CD2AP: variants seen among roughly 807,000 people sequenced by gnomAD.
CD2AP encodes CD2 associated protein.
CD2AP carries 46 observed loss-of-function variants against 85.1 expected under a neutral mutation model. The observed-to-expected ratio is 0.54, with a 90% CI of 0.43 to 0.69. The LOEUF is 0.69. Ranked by LOEUF, CD2AP falls within the 30% of genes least tolerant of loss-of-function variation. The pLI is 0.00. For synonymous variants in CD2AP, 255 were observed against 252.9 expected, an observed-to-expected ratio of 1.01 and a Z score of -0.08; for missense variants, 769 against 729.5, an observed-to-expected ratio of 1.05 and a Z score of -0.62.
chr6:47,559,508 C>G (rs866730441), intron 5 of CD2AP, among the ~76,000 whole-genome samples: 1 of 151,874 alleles, frequency 6.6e-6, no homozygotes, highest in African/African-American at 2.4e-5. Context: ...GCAGTTGAAG[C>G]CTCCCAAAGT....
intron 5 of CD2AP, among the ~76,000 whole-genome samples, chr6:47,572,700 A>G (rs1224451079): frequency 1.3e-5 from 2 of 152,188 alleles, no homozygotes; most frequent in Non-Finnish European, 2.9e-5. Context: ...TGACTTTGTT[A>G]CTGACTACCT....
intron 1 of CD2AP, among the ~76,000 whole-genome samples, chr6:47,483,040 A>G (rs1765484321): frequency 6.6e-6 from 1 of 152,218 alleles, no homozygotes; most frequent in Non-Finnish European, 1.5e-5. Context: ...TTCAGATTTT[A>G]TGTTCAGAAA....
Position 47,561,599 on chromosome 6 carries a change from A to G in CD2AP, c.541+6833A>G, listed in dbSNP as rs558845967. Among the ~76,000 whole-genome samples, 3 of 152,244 alleles carry G rather than the reference A, an allele frequency of 2.0e-5. No homozygotes were observed. The East Asian group carries it at 5.8e-4, about 29-fold the overall frequency. ...TAAGCTGGGAAATGCTTACATGCAC[A>G]TACAATCCCATACCTCTACCCATAT... On this transcript the variant is annotated intron_variant, in intron 5 of 17. Coordinates refer to ENST00000359314, the MANE Select transcript of CD2AP (RefSeq NM_012120.3).
At chr6:47,543,961 A>G (rs1290905945) in intron 3 of CD2AP, among the ~76,000 whole-genome samples, 1 of 152,204 alleles carries the variant, frequency 6.6e-6, no homozygotes, top group Non-Finnish European at 1.5e-5. Context: ...CTGCTTAATG[A>G]TTCACTTTTG....
intron 13 of CD2AP, among the ~76,000 whole-genome samples, chr6:47,599,878 G>A (rs1040710001): frequency 6.6e-6 from 1 of 151,752 alleles, no homozygotes; most frequent in Non-Finnish European, 1.5e-5. Flanking sequence ...TTCCAGTGGA[G>A]GAAAATATGC....
At chr6:47,596,170 G>A (rs978954110) in intron 12 of CD2AP, 144 bp downstream of exon 12, 17 of 665,152 alleles carry the variant, frequency 2.6e-5, no homozygotes, top group Non-Finnish European at 3.7e-5. Context: ...ACAATTGTGT[G>A]TATTTATTGT....
intron 5 of CD2AP, among the ~76,000 whole-genome samples, chr6:47,560,252 A>T (rs1353217253): frequency 6.6e-6 from 1 of 152,164 alleles, no homozygotes; most frequent in East Asian, 1.9e-4. Flanking sequence ...TAGTATTTCA[A>T]TGTGTATTTC....
At chr6:47,545,706 C>G (rs1767347961) in intron 4 of CD2AP, among the ~76,000 whole-genome samples, 1 of 152,184 alleles carries the variant, frequency 6.6e-6, no homozygotes, top group South Asian at 2.1e-4. Flanking sequence ...TCTGTGCAGA[C>G]AACCCCCAGT....
intron 2 of CD2AP, among the ~76,000 whole-genome samples, chr6:47,525,883 C>A (rs1766708457): frequency 6.6e-6 from 1 of 152,054 alleles, no homozygotes; most frequent in Non-Finnish European, 1.5e-5. Context: ...GTGCAAGTGG[C>A]TTCCCTCATT....
intron 1 of CD2AP, among the ~76,000 whole-genome samples, chr6:47,479,398 T>C (rs943843275): frequency 2.0e-5 from 3 of 152,212 alleles, no homozygotes; most frequent in Non-Finnish European, 4.4e-5. Flanking sequence ...TTTGAGCATA[T>C]TGTTTATAGA....
chr6:47,615,146 T>TG (rs1219224092), intron 17 of CD2AP, among the ~76,000 whole-genome samples: 1 of 152,166 alleles, frequency 6.6e-6, no homozygotes, highest in Non-Finnish European at 1.5e-5. Flanking sequence ...AAGAGAGAAT[T>TG]GGGGACTTGC....
intron 5 of CD2AP, among the ~76,000 whole-genome samples, chr6:47,561,210 A>T (rs1037948576): frequency 5.9e-5 from 9 of 152,238 alleles, no homozygotes; most frequent in African/African-American, 2.2e-4. Context: ...ACAGATGTAT[A>T]AATCCATGAA....
chr6:47,618,302 A>G (rs1007774498), intron 17 of CD2AP, among the ~76,000 whole-genome samples: 9 of 152,316 alleles, frequency 5.9e-5, no homozygotes, highest in Non-Finnish European at 1.2e-4. Context: ...CCTGGGTGAC[A>G]GAACGAGACT....
chr6:47,561,111 T>C (rs1253476065), intron 5 of CD2AP, among the ~76,000 whole-genome samples: 1 of 152,224 alleles, frequency 6.6e-6, no homozygotes, highest in Non-Finnish European at 1.5e-5. Context: ...AGGTAACTTC[T>C]GTGACTTTTT....
chr6:47,604,859 TCAGCTTAGTTGATA>T (rs1486105479), intron 13 of CD2AP, among the ~76,000 whole-genome samples: 1 of 152,014 alleles, frequency 6.6e-6, no homozygotes, highest in East Asian at 1.9e-4. Flanking sequence ...TTTTAATGAA[TCAGCTTAGTTGATA>T]CAAGTGAGAA....
intron 17 of CD2AP, among the ~76,000 whole-genome samples, chr6:47,621,361 G>A (rs532568263): frequency 1.3e-5 from 2 of 152,224 alleles, no homozygotes; most frequent in African/African-American, 4.8e-5. Context: ...ACTTGTGTAT[G>A]TTAAACCATC....
intron 2 of CD2AP, among the ~76,000 whole-genome samples, chr6:47,512,390 T>C (rs1222688079): frequency 6.6e-6 from 1 of 152,122 alleles, no homozygotes; most frequent in Non-Finnish European, 1.5e-5. Context: ...AATCTGTGAA[T>C]ATGGAGTGTG....
At chr6:47,486,303 T>C (rs2113961340) in intron 1 of CD2AP, among the ~76,000 whole-genome samples, 1 of 152,318 alleles carries the variant, frequency 6.6e-6, no homozygotes, top group South Asian at 2.1e-4. Context: ...ACATAAATGC[T>C]TCTGCCTCTC....
At chr6:47,487,461 C>A (rs12199950) in intron 1 of CD2AP, among the ~76,000 whole-genome samples, 1 of 151,892 alleles carries the variant, frequency 6.6e-6, no homozygotes, top group Admixed American at 6.5e-5. Flanking sequence ...GAGGCCGAGG[C>A]GGACAGATCA....
Sources: gnomAD v4.1 joint callset for allele counts (sites outside exome capture counted in the v4.1 genomes callset) on GRCh38, gnomAD v4.1.1 for gene constraint, MANE v1.5 for transcripts, NCBI Gene and HGNC (gene_info 2026-07-23, HGNC 2026-07-21) for gene names.